The following LARP4B variants were observed in gnomAD, a reference collection of about 807,000 sequenced individuals.
The protein encoded by LARP4B is La ribonucleoprotein 4B.
Under a neutral mutation model 89.8 loss-of-function variants are expected in LARP4B, and 12 were observed. The observed-to-expected ratio is 0.13, with a 90% CI of 0.09 to 0.22. The LOEUF (loss-of-function observed/expected upper bound fraction) is 0.22, where lower values mean the gene tolerates loss of function less well. Ranked by LOEUF, LARP4B falls within the 10% of genes least tolerant of loss-of-function variation. LARP4B has a pLI of 1.00. For missense variants in LARP4B, 757 were observed against 947.7 expected (o/e 0.80, Z 2.64); for synonymous variants, 367 against 363.3 (o/e 1.01, Z -0.12).
intron 1 of LARP4B, among the ~76,000 whole-genome samples, chr10:907,360 G>A (rs1836520515): frequency 6.6e-6 from 1 of 152,154 alleles, no homozygotes; most frequent in African/African-American, 2.4e-5. Context: ...CATTCCAAGT[G>A]GTGTAATAAG....
At position 813,170 on chromosome 10, in the gene LARP4B, C is replaced by G. The variant is rs925305775; in HGVS notation, c.1973G>C (p.Ser658Thr). Residue 658 changes from serine to threonine, a missense_variant, in exon 18 of 18, where the codon AGT becomes ACT. Ser to Thr is a moderately conservative substitution (Grantham distance 58). This residue lies in a region of LARP4B where 387 missense variants were observed against 423.6 expected (regional missense o/e 0.91). Transcript: ENST00000316157. ...PSYAEICQRT[S>T]KEPPSSPLQP... ...CAATGGGGAAGAAGGAGGCTCTTTA[C>G]TCGTTCTCTGACAAATCTCTGCGTA... is the stretch of plus-strand genomic sequence containing the variant. The G allele has an allele frequency of 8.7e-6, 14 of 1,613,538 alleles. No homozygotes were observed. Among genetic ancestry groups the G allele is most frequent in the Admixed American group, 1.7e-5 (1 of 59,862 alleles).
intron 5 of LARP4B, among the ~76,000 whole-genome samples, chr10:857,966 C>T (rs1834395163): frequency 1.3e-5 from 2 of 152,162 alleles, no homozygotes; most frequent in South Asian, 4.1e-4. Flanking sequence ...CTTGGCATCA[C>T]TAACCACTAG....
intron 1 of LARP4B, among the ~76,000 whole-genome samples, chr10:918,519 A>G (rs1308355259): frequency 6.6e-6 from 1 of 151,660 alleles, no homozygotes; most frequent in Non-Finnish European, 1.5e-5. Flanking sequence ...CTGTAGTCCC[A>G]GCTACTCGGG....
chr10:983,815 G>C, the LARP4B span, among the ~76,000 whole-genome samples: 1 of 152,186 alleles, frequency 6.6e-6, no homozygotes, highest in Non-Finnish European at 1.5e-5. Context: ...CTGATGCTGA[G>C]ATTTGGAGAC....
At chr10:859,232 T>C (rs987167573) in intron 5 of LARP4B, among the ~76,000 whole-genome samples, 1 of 151,344 alleles carries the variant, frequency 6.6e-6, no homozygotes, top group African/African-American at 2.4e-5. Flanking sequence ...TGAGCTGAGA[T>C]TGCTCCAGTG....
At chr10:922,695 AT>A (rs1241325764) in intron 1 of LARP4B, among the ~76,000 whole-genome samples, 10 of 151,190 alleles carry the variant, frequency 6.6e-5, no homozygotes, top group African/African-American at 2.0e-4. Flanking sequence ...AAATAAATAA[AT>A]AAATAAATAA....
chr10:829,767 G>A (rs772260277), intron 9 of LARP4B, 33 bp from the exon 10 acceptor site: 11 of 1,514,280 alleles, frequency 7.3e-6, no homozygotes, highest in South Asian at 3.4e-5. Flanking sequence ...AATTCCATTC[G>A]ATTAACCTTA....
intron 5 of LARP4B, among the ~76,000 whole-genome samples, chr10:857,293 G>A (rs750120213): frequency 6.6e-6 from 1 of 152,062 alleles, no homozygotes; most frequent in Admixed American, 6.5e-5. Context: ...GGCAATGCAA[G>A]CAGAGAGATG....
chr10:940,853 G>A, the LARP4B span, among the ~76,000 whole-genome samples: 3 of 152,248 alleles, frequency 2.0e-5, no homozygotes, highest in Non-Finnish European at 4.4e-5. Flanking sequence ...ACTGTATGCA[G>A]GTGAGAAGCA....
chr10:830,770 A>G (rs377167104), intron 9 of LARP4B, 97 bp downstream of exon 9: 55 of 646,706 alleles, frequency 8.5e-5, no homozygotes, highest in East Asian at 4.1e-4. Context: ...ACTTACCATC[A>G]CAAGTAATCT....
At chr10:860,127 T>TGGGGG (rs60607691) in intron 5 of LARP4B, among the ~76,000 whole-genome samples, 64 of 96,112 alleles carry the variant, frequency 6.7e-4, no homozygotes, top group East Asian at 1.6e-3. Context: ...TGTGTGGGGG[T>TGGGGG]GGGGGGGAGG....
rs533529518 is a variant in LARP4B at position 878,582 on chromosome 10, G to T, written c.141+5865C>A. On this transcript the variant is annotated intron_variant, in intron 3 of 17. Transcript: ENST00000316157. ...GGATCTGGCAGTGGATTACCTACGT[G>T]TGTTTATTTTGCAGAAATACACTGA... is the stretch of plus-strand genomic sequence containing the variant. Among the ~76,000 whole-genome samples, 55 of 152,308 alleles carry T rather than the reference G, an allele frequency of 3.6e-4. No individual in the cohort carries two copies. The South Asian group carries it at 0.011, about 29-fold the overall frequency.
the LARP4B span, among the ~76,000 whole-genome samples, chr10:976,818 G>T: frequency 6.7e-5 from 10 of 150,250 alleles, no homozygotes; most frequent in African/African-American, 2.5e-4. Flanking sequence ...ACCCGGCCTA[G>T]TAGAAGGTAG....
At chr10:984,204 G>A in the LARP4B span, among the ~76,000 whole-genome samples, 4 of 152,296 alleles carry the variant, frequency 2.6e-5, no homozygotes, top group Admixed American at 6.5e-5. Context: ...GGATTCAGAT[G>A]TCTGTTGCAA....
At position 825,847 on chromosome 10, in the gene LARP4B, TCCAG is replaced by T. The variant is rs1280114073; in HGVS notation, c.1145_1148del (p.Thr382AsnfsTer3). The T allele has an allele frequency of 6.2e-7, 1 of 1,612,338 alleles. No homozygotes were observed. The highest frequency in any genetic ancestry group is 1.3e-5 in the African/African-American group (1 of 75,040). On this transcript the variant is annotated frameshift_variant, in exon 12 of 18. Coordinates refer to ENST00000316157, the MANE Select transcript of LARP4B (RefSeq NM_015155.3). LOFTEE classifies it high-confidence loss of function. ...CTGGAGACGTAAACCCATTTATAAA[TCCAG>T]TATTTGGAAATGGAGTTACCTAGAT...
intron 3 of LARP4B, among the ~76,000 whole-genome samples, chr10:866,412 T>A (rs564811475): frequency 6.6e-6 from 1 of 152,328 alleles, no homozygotes; most frequent in African/African-American, 2.4e-5. Context: ...ACCAGCATGC[T>A]TGTGCCAGGC....
intron 5 of LARP4B, among the ~76,000 whole-genome samples, chr10:853,002 T>G (rs917110571): frequency 6.6e-6 from 1 of 152,260 alleles, no homozygotes; most frequent in East Asian, 1.9e-4. Context: ...TCATGGATAT[T>G]GTTCAGATGT....
the LARP4B span, among the ~76,000 whole-genome samples, chr10:982,163 TGGA>T: frequency 1.4e-5 from 2 of 143,322 alleles, no homozygotes; most frequent in African/African-American, 5.2e-5. Context: ...TTGCCCAGGC[TGGA>T]GTGCAGTGGC....
chr10:920,268 T>C (rs184274214), intron 1 of LARP4B, among the ~76,000 whole-genome samples: 2 of 152,286 alleles, frequency 1.3e-5, no homozygotes, highest in African/African-American at 4.8e-5. Context: ...TCTAATTAAT[T>C]TTACCTCATG....
Sources: allele counts gnomAD v4.1 joint callset (sites outside exome capture counted in the v4.1 genomes callset), GRCh38; gene constraint gnomAD v4.1.1; regional missense constraint gnomAD v4.1.1; transcripts MANE v1.5; gene names NCBI Gene and HGNC (gene_info 2026-07-23, HGNC 2026-07-21).